CDHR1: variants seen among roughly 807,000 people sequenced by gnomAD.
The protein encoded by CDHR1 is cadherin-related family member 1.
A neutral mutation model predicts 72.1 loss-of-function variants in CDHR1; 61 were observed. The observed-to-expected ratio is 0.85, with a 90% CI of 0.69 to 1.05. CDHR1 has a LOEUF of 1.05. CDHR1 is among the 50% of genes least tolerant of loss of function. CDHR1 has a pLI of 0.00. For missense variants in CDHR1, 1,186 were observed against 1,115.7 expected (o/e 1.06, Z -0.90); for synonymous variants, 470 against 448.1 (o/e 1.05, Z -0.62).
Position 84,217,414 on chromosome 10 carries a change from A to G in CDHR1, c.*2793A>G. 3.0e-6 allele frequency: 3 copies of G among 985,420 alleles called. No individual in the cohort carries two copies. The highest frequency in any genetic ancestry group is 3.6e-6 in the Non-Finnish European group (3 of 829,920). 61.0% of individuals were successfully genotyped at this position (985,420 alleles called of 1,614,324 possible). A position where few individuals can be genotyped will look rare whatever the true frequency, so the allele number is the denominator to read the frequency against. ...CCTGCGGCTGAGCTCAGATCTTCCA[A>G]TCACGTGAAATAACAAAGTCCTTTA... On this transcript the variant is annotated 3_prime_UTR_variant, in exon 17 of 17. Coordinates refer to ENST00000623527, the MANE Select transcript of CDHR1 (RefSeq NM_033100.4).
Position 84,195,534 on chromosome 10 carries a change from C to T in CDHR1, c.96C>T (p.Val32=). The stretch of plus-strand genomic sequence containing the variant: ...CCCCGCACTTCTTCGACAACGGGGT[C>T]GGCAGCACCAACGGAAACATGGCTC... ...NFAPHFFDNG[V]GSTNGNMALF... The change falls in exon 2 of 17, where the codon GTC becomes GTT. Residue 32 remains valine (V), a synonymous_variant. Coordinates refer to ENST00000623527, the MANE Select transcript of CDHR1 (RefSeq NM_033100.4). 1 of 1,614,166 alleles carries T rather than the reference C, an allele frequency of 6.2e-7. No homozygotes were observed. Among genetic ancestry groups the T allele is most frequent in the East Asian group, 2.2e-5 (1 of 44,872 alleles).
intron 16 of CDHR1, 152 bp from the exon 17 acceptor site, chr10:84,213,930 G>T: frequency 1.0e-6 from 1 of 1,003,652 alleles, no homozygotes; most frequent in South Asian, 1.3e-5. Flanking sequence ...GCATTTTCCT[G>T]GACAAAAGCC....
rs191071132 is a variant in CDHR1, at chr10:84,210,792, G to A, written c.1321-209G>A. Among the ~76,000 whole-genome samples the A allele has an allele frequency of 1.3e-4, 20 of 152,282 alleles. No homozygotes were observed. The East Asian group carries it at 3.7e-3, about 28-fold the overall frequency. On this transcript the variant is annotated intron_variant, in intron 12 of 16. Coordinates refer to ENST00000623527, the MANE Select transcript of CDHR1 (RefSeq NM_033100.4). ...ACCCCAATACAGATGGGAATGATAA[G>A]AAAGCTAGCATTACAAGCCAATTGA... is the stretch of plus-strand genomic sequence containing the variant.
chr10:84,210,514 G>A (rs541464313), intron 12 of CDHR1, among the ~76,000 whole-genome samples: 7 of 152,204 alleles, frequency 4.6e-5, no homozygotes, highest in African/African-American at 1.7e-4. Context: ...TGATCCACCC[G>A]CCTTGGCCTC....
At chr10:84,212,051 G>A in intron 14 of CDHR1, 128 bp from the exon 15 acceptor site, 1 of 822,018 alleles carries the variant, frequency 1.2e-6, no homozygotes, top group Non-Finnish European at 2.1e-6. Context: ...GAGCAGGTAG[G>A]ACACTTTGGA....
At chr10:84,206,043 T>C (rs560227539) in intron 10 of CDHR1, 116 bp downstream of exon 10, 90 of 783,730 alleles carry the variant, frequency 1.1e-4, no homozygotes, top group Non-Finnish European at 1.9e-4. Flanking sequence ...GGGCTAGATG[T>C]TGTTCTAAAG....
At chr10:84,210,940 G>A (rs111845243) in intron 12 of CDHR1, 61 bp from the exon 13 acceptor site, 1 of 1,570,400 alleles carries the variant, frequency 6.4e-7, no homozygotes. Flanking sequence ...AGATGAGGTG[G>A]GAAGGCTCTC....
chr10:84,212,406 A>T lies in CDHR1; in HGVS notation c.1781A>T (p.Glu594Val). The change falls in exon 15 of 17, where the codon GAG becomes GTG. Residue 594 changes from glutamate to valine, a missense_variant and splice_region_variant. Physicochemically the swap from Glu to Val is moderately radical, Grantham distance 121. Coordinates refer to ENST00000623527, the MANE Select transcript of CDHR1 (RefSeq NM_033100.4). ...GTGCTAGGGACCCCAGTGAAAATTG[A>T]GGTAAGTTTTGGAGGCAGCTGAGCT... ...TMVLGTPVKIEAIDEDAEEPN... is the reference protein window; with the variant it reads ...TMVLGTPVKIVAIDEDAEEPN... 2 of 1,613,734 alleles carry T rather than the reference A, an allele frequency of 1.2e-6. No individual in the cohort carries two copies. The highest frequency in any genetic ancestry group is 1.7e-6 in the Non-Finnish European group (2 of 1,179,608).
chr10:84,195,139 G>GAGAT (rs1842004597), intron 1 of CDHR1, among the ~76,000 whole-genome samples: 1 of 152,228 alleles, frequency 6.6e-6, no homozygotes, highest in South Asian at 2.1e-4. Context: ...CGTGGGGCAG[G>GAGAT]AGATAGTGCC....
chr10:84,198,691 G>T (rs1041050056), intron 4 of CDHR1, among the ~76,000 whole-genome samples: 1 of 152,208 alleles, frequency 6.6e-6, no homozygotes, highest in Non-Finnish European at 1.5e-5. Context: ...CAGTGCAGGG[G>T]CCCCGCCCTC....
Position 84,217,412 on chromosome 10 carries a change from C to T in CDHR1, c.*2791C>T. 1 of 985,410 alleles carries T rather than the reference C, an allele frequency of 1.0e-6. No individual in the cohort carries two copies. Among genetic ancestry groups the T allele is most frequent in the Non-Finnish European group, 1.2e-6 (1 of 829,892 alleles). The allele number at this position is 985,410 out of a possible 1,614,324, so 61.0% of individuals were successfully genotyped here. A position where few individuals can be genotyped will look rare whatever the true frequency, so the allele number is the denominator to read the frequency against. ...CTCCTGCGGCTGAGCTCAGATCTTC[C>T]AATCACGTGAAATAACAAAGTCCTT... On this transcript the variant is annotated 3_prime_UTR_variant, in exon 17 of 17. Transcript: ENST00000623527.
intron 7 of CDHR1, 137 bp from the exon 8 acceptor site, chr10:84,202,843 C>A: frequency 2.2e-6 from 2 of 924,950 alleles, no homozygotes; most frequent in Admixed American, 2.0e-5. Context: ...CTCCGGGTGA[C>A]ACAGAAGCAA....
At chr10:84,202,412 C>G (rs1232954598) in intron 7 of CDHR1, among the ~76,000 whole-genome samples, 2 of 152,208 alleles carry the variant, frequency 1.3e-5, no homozygotes, top group Non-Finnish European at 2.9e-5. Flanking sequence ...TCTTCCCCCA[C>G]AAAGAGCGCA....
intron 8 of CDHR1, among the ~76,000 whole-genome samples, chr10:84,203,439 G>A (rs868306950): frequency 8.6e-5 from 13 of 151,524 alleles, no homozygotes; most frequent in African/African-American, 2.2e-4. Flanking sequence ...TTTTGGAAAC[G>A]GAGTCTCGCT....
At chr10:84,209,154 A>G (rs1461959515) in intron 12 of CDHR1, among the ~76,000 whole-genome samples, 1 of 152,264 alleles carries the variant, frequency 6.6e-6, no homozygotes, top group Non-Finnish European at 1.5e-5. Flanking sequence ...TAATAGATTG[A>G]GTAAACTATT....
Position 84,214,627 on chromosome 10 carries a change from G to T in CDHR1, c.*6G>T. ...ACAACAAGGCTTACTTCTAGTGTAT[G>T]CCCTATGACCCCCCATCTTTCCTCC... On this transcript the variant is annotated 3_prime_UTR_variant, in exon 17 of 17. Coordinates refer to ENST00000623527, the MANE Select transcript of CDHR1 (RefSeq NM_033100.4). The T allele has an allele frequency of 4.4e-6, 7 of 1,599,592 alleles. No homozygotes were observed. Among genetic ancestry groups the T allele is most frequent in the Non-Finnish European group, 5.9e-6 (7 of 1,179,846 alleles).
intron 13 of CDHR1, 34 bp from the exon 14 acceptor site, chr10:84,211,614 A>G: frequency 6.3e-7 from 1 of 1,595,268 alleles, no homozygotes. Context: ...CCTGACAAAG[A>G]GGCACGTGCC....
At position 84,195,482 on chromosome 10, in the gene CDHR1, T is replaced by G; in HGVS notation, c.56-12T>G. On this transcript the variant is annotated splice_polypyrimidine_tract_variant and intron_variant, in intron 1 of 16. Coordinates refer to ENST00000623527, the MANE Select transcript of CDHR1 (RefSeq NM_033100.4). ...TGCCTGGGTGTCCGTCTGTTCTGTG[T>G]TCTTTTTCCAGCTCAGGCCAACTTC... is the stretch of plus-strand genomic sequence containing the variant. The G allele has an allele frequency of 6.2e-7, 1 of 1,612,562 alleles. No homozygotes were observed. Among genetic ancestry groups the G allele is most frequent in the South Asian group, 1.1e-5 (1 of 90,786 alleles).
intron 11 of CDHR1, 81 bp downstream of exon 11, chr10:84,208,458 C>G: frequency 6.9e-7 from 1 of 1,449,410 alleles, no homozygotes; most frequent in Admixed American, 1.8e-5. Flanking sequence ...TCTGCATCAA[C>G]CTGCTCTGCG....
Sources: allele counts gnomAD v4.1 joint callset (sites outside exome capture counted in the v4.1 genomes callset), GRCh38; gene constraint gnomAD v4.1.1; transcripts MANE v1.5; gene names NCBI Gene and HGNC (gene_info 2026-07-23, HGNC 2026-07-21).